Variants in BAG4 observed in about 807,000 individuals in gnomAD.
The protein encoded by BAG4 is BAG cochaperone 4.
In BAG4, 28 loss-of-function variants were observed where a neutral mutation model predicts 52.1. The ratio of observed to expected loss-of-function variants is 0.54; its 90% CI spans 0.40 to 0.74. The LOEUF is 0.74. BAG4 is among the 30% of genes least tolerant of loss of function. The probability of loss-of-function intolerance (pLI) is 0.00; values close to 1 mark genes in which losing one functional copy is unlikely to be tolerated. For synonymous variants in BAG4, 208 were observed against 217.0 expected (o/e 0.96, Z 0.37); for missense variants, 525 against 572.0 (o/e 0.92, Z 0.84).
chr8:38,213,172 T>G lies in BAG4; in HGVS notation c.*2679T>G, dbSNP rs1803890669. On this transcript the variant is annotated 3_prime_UTR_variant, in exon 5 of 5. Coordinates refer to ENST00000287322, the MANE Select transcript of BAG4 (RefSeq NM_004874.4). ...TCAACTTTTGACTTAATACTGACTT[T>G]GGACTGAATTCAAAGTTTTCTTGAA... is the stretch of plus-strand genomic sequence containing the variant. The G allele has an allele frequency of 1.3e-5, 2 of 152,146 alleles. No individual in the cohort carries two copies. The highest frequency in any genetic ancestry group is 4.8e-5 in the African/African-American group (2 of 41,454). 9.4% of individuals were successfully genotyped at this position (152,146 alleles called of 1,614,324 possible). A position where few individuals can be genotyped will look rare whatever the true frequency, so the allele number is the denominator to read the frequency against.
chr8:38,186,943 CA>C (rs2130667182), intron 1 of BAG4, among the ~76,000 whole-genome samples: 1 of 152,260 alleles, frequency 6.6e-6, no homozygotes, highest in South Asian at 2.1e-4. Context: ...GGTTACTAAA[CA>C]AATGAGCAAA....
In BAG4 at chr8:38,209,240, C is replaced by T; in HGVS notation, c.861C>T (p.Pro287=). 1 of 1,614,140 alleles carries T rather than the reference C, an allele frequency of 6.2e-7. No individual in the cohort carries two copies. The highest frequency in any genetic ancestry group is 2.2e-5 in the East Asian group (1 of 44,884). The change falls in exon 4 of 5, where the codon CCC becomes CCT. Residue 287 remains proline (P), a synonymous_variant. Coordinates refer to ENST00000287322, the MANE Select transcript of BAG4 (RefSeq NM_004874.4). ...CTAGCAGTGGCTCTCCCCAGTCACC[C>T]CCTTCACCCCCAGTCCAGCAGCCCA... is the stretch of plus-strand genomic sequence containing the variant. The part of the protein sequence containing the change: ...PWPSSGSPQS[P]PSPPVQQPKD...
At chr8:38,198,107 G>C (rs552582591) in intron 2 of BAG4, among the ~76,000 whole-genome samples, 2 of 151,834 alleles carry the variant, frequency 1.3e-5, no homozygotes, top group South Asian at 2.1e-4. Flanking sequence ...CCTTGGGGCC[G>C]GGCGCGGTGG....
At chr8:38,205,152 T>C (rs1803747362) in intron 2 of BAG4, among the ~76,000 whole-genome samples, 1 of 149,122 alleles carries the variant, frequency 6.7e-6, no homozygotes, top group East Asian at 2.0e-4. Flanking sequence ...TGCCTCAGCC[T>C]CCTGTGTAGC....
chr8:38,196,432 T>A (rs774831044), intron 2 of BAG4, among the ~76,000 whole-genome samples: 4 of 151,942 alleles, frequency 2.6e-5, no homozygotes, highest in Non-Finnish European at 5.9e-5. Flanking sequence ...GGCAGGCAGA[T>A]CACGAGGTCA....
At chr8:38,192,207 T>G (rs912684553) in intron 1 of BAG4, among the ~76,000 whole-genome samples, 2 of 152,214 alleles carry the variant, frequency 1.3e-5, no homozygotes, top group Non-Finnish European at 2.9e-5. Context: ...ACTAATTAAA[T>G]TAGTAGTCTT....
intron 1 of BAG4, among the ~76,000 whole-genome samples, chr8:38,181,573 C>T (rs966254044): frequency 1.3e-5 from 2 of 151,358 alleles, no homozygotes; most frequent in African/African-American, 4.9e-5. Context: ...CCCGTCTCTA[C>T]TAAAAATACA....
At chr8:38,179,649 C>T (rs1285617038) in intron 1 of BAG4, among the ~76,000 whole-genome samples, 1 of 151,690 alleles carries the variant, frequency 6.6e-6, no homozygotes, top group East Asian at 2.0e-4. Flanking sequence ...GCCTGTAATC[C>T]CAGCTATTCG....
intron 1 of BAG4, among the ~76,000 whole-genome samples, chr8:38,190,226 G>A (rs1481244022): frequency 6.6e-6 from 1 of 152,030 alleles, no homozygotes; most frequent in Non-Finnish European, 1.5e-5. Context: ...ACTACTGTAT[G>A]TATTTATTCT....
At chr8:38,188,320 C>G (rs998226801) in intron 1 of BAG4, among the ~76,000 whole-genome samples, 1 of 142,218 alleles carries the variant, frequency 7.0e-6, no homozygotes, top group Non-Finnish European at 1.5e-5. Context: ...AAAAAAAAAA[C>G]AAGATCCAAT....
chr8:38,203,118 A>C (rs917567694), intron 2 of BAG4: 1 of 152,172 alleles, frequency 6.6e-6, no homozygotes, highest in Non-Finnish European at 1.5e-5. Context: ...AAGTTGTAGT[A>C]AGGGGAAACT....
rs35690753 is a variant in BAG4, at chr8:38,187,866, CAAAAAAAA to C, written c.271-4808_271-4801del. 1.3e-3 allele frequency among the ~76,000 whole-genome samples: 72 copies of C among 56,074 alleles called. 1 individual carries two copies. Among genetic ancestry groups the C allele is most frequent in the African/African-American group, 5.1e-3 (69 of 13,516 alleles). The allele number at this position is 56,074 out of a possible 152,430, so 36.8% of individuals were successfully genotyped here. A position where few individuals can be genotyped will look rare whatever the true frequency, so the allele number is the denominator to read the frequency against. On this transcript the variant is annotated intron_variant, in intron 1 of 4. Transcript: ENST00000287322. The stretch of plus-strand genomic sequence containing the variant: ...TGAAACCTTGTCTGTACTAAAAATA[CAAAAAAAA>C]AAAAAAAAAAAAATTAGCCGGGCGT...
intron 2 of BAG4, among the ~76,000 whole-genome samples, chr8:38,193,448 A>G (rs1803509922): frequency 6.6e-6 from 1 of 151,944 alleles, no homozygotes; most frequent in Non-Finnish European, 1.5e-5. Context: ...AAACCCCACG[A>G]AAATCTAGCA....
chr8:38,195,100 C>G (rs998069601), intron 2 of BAG4, among the ~76,000 whole-genome samples: 39 of 151,596 alleles, frequency 2.6e-4, no homozygotes, highest in African/African-American at 9.5e-4. Flanking sequence ...GTGATCCACC[C>G]GTCTCGGCCT....
intron 1 of BAG4, among the ~76,000 whole-genome samples, chr8:38,178,838 A>C (rs1259153085): frequency 6.6e-6 from 1 of 152,118 alleles, no homozygotes; most frequent in Admixed American, 6.5e-5. Context: ...GGATAATGAA[A>C]TGTTCTAAAA....
chr8:38,203,504 C>T (rs867342142), intron 2 of BAG4, among the ~76,000 whole-genome samples: 2 of 151,954 alleles, frequency 1.3e-5, no homozygotes, highest in South Asian at 2.1e-4. Flanking sequence ...AGGATGGTCT[C>T]GATCTCCTGA....
intron 2 of BAG4, among the ~76,000 whole-genome samples, chr8:38,206,457 T>G (rs939632908): frequency 6.6e-6 from 1 of 151,976 alleles, no homozygotes; most frequent in African/African-American, 2.4e-5. Flanking sequence ...AGGAGTTTGT[T>G]GTTGGTATCA....
At chr8:38,201,849 TATATATATATATA>T (rs1803668566) in intron 2 of BAG4, 16 of 6,368 alleles carry the variant, frequency 2.5e-3, no homozygotes, top group Non-Finnish European at 5.1e-3. Context: ...TATATATATA[TATATATATATATA>T]TATATATATA....
chr8:38,209,317 A>G, intron 4 of BAG4, 50 bp downstream of exon 4: 1 of 1,609,784 alleles, frequency 6.2e-7, no homozygotes, highest in Non-Finnish European at 8.5e-7. Flanking sequence ...TTAGGAGAAC[A>G]TAACATGGTT....
Sources: allele counts gnomAD v4.1 joint callset (sites outside exome capture counted in the v4.1 genomes callset), GRCh38; gene constraint gnomAD v4.1.1; transcripts MANE v1.5; gene names NCBI Gene and HGNC (gene_info 2026-07-23, HGNC 2026-07-21).